RAD23B: variants seen among roughly 807,000 people sequenced by gnomAD.
The protein encoded by RAD23B is RAD23 nucleotide excision repair protein B.
A neutral mutation model predicts 49.1 loss-of-function variants in RAD23B; 5 were observed. The ratio of observed to expected loss-of-function variants is 0.10; its 90% CI spans 0.05 to 0.21. The LOEUF (loss-of-function observed/expected upper bound fraction) is 0.21. Among genes scored for constraint, RAD23B ranks in the 10% least tolerant of loss-of-function variants. RAD23B has a pLI of 1.00. For missense variants in RAD23B, 356 were observed against 486.7 expected (o/e 0.73, Z 2.53); for synonymous variants, 184 against 165.4 (o/e 1.11, Z -0.86).
chr9:107,322,423 A>G (rs1323808), intron 7 of RAD23B, among the ~76,000 whole-genome samples: 83,930 of 152,158 alleles, frequency 0.55, 23,367 homozygotes, highest in East Asian at 0.75. Flanking sequence ...GCCATTCAGA[A>G]TGGTTTGCTC....
intron 5 of RAD23B, among the ~76,000 whole-genome samples, chr9:107,316,263 G>A (rs549763175): frequency 1.3e-5 from 2 of 152,026 alleles, no homozygotes; most frequent in Non-Finnish European, 2.9e-5. Context: ...TGCCCGCCTC[G>A]GCCTCCCAAG....
intron 7 of RAD23B, among the ~76,000 whole-genome samples, chr9:107,323,618 G>A (rs1304880720): frequency 2.0e-5 from 3 of 152,106 alleles, no homozygotes; most frequent in Non-Finnish European, 4.4e-5. Flanking sequence ...ATTTTATAAC[G>A]TTGAGTGCCA....
intron 1 of RAD23B, among the ~76,000 whole-genome samples, chr9:107,295,899 G>T (rs1826504222): frequency 6.6e-6 from 1 of 152,044 alleles, no homozygotes; most frequent in South Asian, 2.1e-4. Flanking sequence ...GAAAGACAAG[G>T]AAGTTTTTGA....
intron 4 of RAD23B, among the ~76,000 whole-genome samples, chr9:107,308,882 CTT>C (rs1396235175): frequency 6.6e-6 from 1 of 150,456 alleles, no homozygotes; most frequent in Non-Finnish European, 1.5e-5. Flanking sequence ...GCTGTTAAGA[CTT>C]TGTGGAGTGA....
Position 107,322,036 on chromosome 9 carries a change from T to C in RAD23B, c.735T>C (p.Ala245=). The C allele has an allele frequency of 6.2e-7, 1 of 1,613,614 alleles. No homozygotes were observed. The highest frequency in any genetic ancestry group is 8.5e-7 in the Non-Finnish European group (1 of 1,179,752). ...SQAVVDPPQA[A]STGAPQSSAV... ...CTGTGGTTGACCCCCCTCAAGCAGC[T>C]AGTACTGGGGCTCCTCAGTCTTCAG... is the stretch of plus-strand genomic sequence containing the variant. The change falls in exon 7 of 10, where the codon GCT becomes GCC. Residue 245 remains alanine, a synonymous_variant. Transcript: ENST00000358015.
chr9:107,321,714 G>A (rs1269428054), intron 6 of RAD23B, among the ~76,000 whole-genome samples: 1 of 152,148 alleles, frequency 6.6e-6, no homozygotes, highest in Non-Finnish European at 1.5e-5. Flanking sequence ...ACAACACAGA[G>A]AATATTTCCA....
rs1827297174 is a variant in RAD23B, at chr9:107,331,072, TC to T, written c.*1418del. On this transcript the variant is annotated 3_prime_UTR_variant, in exon 10 of 10. Coordinates refer to ENST00000358015, the MANE Select transcript of RAD23B (RefSeq NM_002874.5). Reference sequence around the variant, plus strand: ...ATTTGGATTGCTTTTGTTTTTTGTTTCCTTTTTTTTAACCATCTGATACTAA... The same window carrying T: ...ATTTGGATTGCTTTTGTTTTTTGTTTCTTTTTTTTAACCATCTGATACTAA... 1 of 66,146 alleles carries T rather than the reference TC, an allele frequency of 1.5e-5. No individual in the cohort carries two copies. Among genetic ancestry groups the T allele is most frequent in the Non-Finnish European group, 2.7e-5 (1 of 36,846 alleles). 4.1% of individuals were successfully genotyped at this position (66,146 alleles called of 1,614,324 possible).
chr9:107,317,766 T>C (rs753775050), intron 5 of RAD23B, among the ~76,000 whole-genome samples: 5 of 151,514 alleles, frequency 3.3e-5, no homozygotes, highest in Non-Finnish European at 5.9e-5. Context: ...ATGAGGAAAA[T>C]AGGTTTCATT....
chr9:107,306,046 T>TATATATATATATAA (rs1564245451), intron 3 of RAD23B, among the ~76,000 whole-genome samples: 1 of 19,036 alleles, frequency 5.3e-5, no homozygotes, highest in African/African-American at 2.7e-4. Context: ...TGATACGGTT[T>TATATATATATATAA]ATATCTATAT....
At chr9:107,308,717 C>G (rs150564391) in intron 4 of RAD23B, among the ~76,000 whole-genome samples, 8 of 152,280 alleles carry the variant, frequency 5.3e-5, no homozygotes, top group African/African-American at 1.7e-4. Flanking sequence ...TCTTATTTCT[C>G]AAAATTTTAC....
intron 3 of RAD23B, among the ~76,000 whole-genome samples, chr9:107,303,525 G>A (rs1393950650): frequency 6.6e-6 from 1 of 152,120 alleles, no homozygotes; most frequent in Non-Finnish European, 1.5e-5. Flanking sequence ...TTCAACTGTG[G>A]TAAAATATAA....
chr9:107,285,687 TAGGG>T (rs1833262534), intron 1 of RAD23B, among the ~76,000 whole-genome samples: 2 of 152,364 alleles, frequency 1.3e-5, no homozygotes, highest in South Asian at 4.1e-4. Flanking sequence ...AGCCCATTGT[TAGGG>T]AGCGGTTTCT....
chr9:107,307,206 G>A (rs1406821729), intron 4 of RAD23B, among the ~76,000 whole-genome samples: 1 of 152,166 alleles, frequency 6.6e-6, no homozygotes, highest in East Asian at 1.9e-4. Flanking sequence ...GCTTCTGCCT[G>A]TGTGGATCTT....
Position 107,329,790 on chromosome 9 carries a change from G to A in RAD23B, c.*134G>A, listed in dbSNP as rs1230857616. ...GTAGATTGTTGGGGGTGGGGAGGGA[G>A]GGATCTAGGATACAGGGCAGGGATA... is the stretch of plus-strand genomic sequence containing the variant. On this transcript the variant is annotated 3_prime_UTR_variant, in exon 10 of 10. Coordinates refer to ENST00000358015, the MANE Select transcript of RAD23B (RefSeq NM_002874.5). 4.0e-6 allele frequency: 2 copies of A among 494,962 alleles called. No homozygotes were observed. The highest frequency in any genetic ancestry group is 5.5e-5 in the South Asian group (2 of 36,682). 30.7% of individuals were successfully genotyped at this position (494,962 alleles called of 1,614,324 possible).
chr9:107,299,634 C>T (rs11573659), intron 1 of RAD23B, among the ~76,000 whole-genome samples: 1,574 of 152,298 alleles, frequency 0.01, 15 homozygotes, highest in Non-Finnish European at 0.015. Flanking sequence ...CAAGGTCCCA[C>T]TCTCAGAGAT....
chr9:107,316,049 C>T (rs1262660081), intron 5 of RAD23B, among the ~76,000 whole-genome samples: 2 of 150,190 alleles, frequency 1.3e-5, no homozygotes, highest in Admixed American at 6.6e-5. Flanking sequence ...CTTGCTCTGT[C>T]GCCAGACTGG....
intron 1 of RAD23B, among the ~76,000 whole-genome samples, chr9:107,293,408 G>A (rs7038659): frequency 0.059 from 8,981 of 152,234 alleles, 383 homozygotes; most frequent in South Asian, 0.12. Flanking sequence ...GATTAAAAGA[G>A]TTAATTATTG....
chr9:107,306,695 A>C, intron 4 of RAD23B, 48 bp downstream of exon 4: 1 of 1,555,240 alleles, frequency 6.4e-7, no homozygotes, highest in Non-Finnish European at 8.8e-7. Flanking sequence ...CGTGTTTAAC[A>C]GGAACTTCAT....
intron 7 of RAD23B, among the ~76,000 whole-genome samples, chr9:107,322,938 TAGTCTCTA>T (rs1827139038): frequency 6.6e-6 from 1 of 152,196 alleles, no homozygotes; most frequent in Admixed American, 6.5e-5. Context: ...TTAGGTGACA[TAGTCTCTA>T]AGTCTCGTTG....
Sources: allele counts gnomAD v4.1 joint callset (sites outside exome capture counted in the v4.1 genomes callset), GRCh38; gene constraint gnomAD v4.1.1; transcripts MANE v1.5; gene names NCBI Gene and HGNC (gene_info 2026-07-23, HGNC 2026-07-21).